Variants in MBTPS1 observed in about 807,000 individuals in gnomAD.
MBTPS1 encodes the protein membrane bound transcription factor peptidase, site 1.
In MBTPS1, 94 loss-of-function variants were observed where a neutral mutation model predicts 127.8. The observed-to-expected ratio is 0.74, with a 90% CI of 0.62 to 0.87. The LOEUF is 0.87. Ranked by LOEUF, MBTPS1 falls within the 40% of genes least tolerant of loss-of-function variation. The pLI, the probability that MBTPS1 is intolerant of heterozygous loss-of-function variation, is 0.00. For missense variants in MBTPS1, 1,636 were observed against 1,353.2 expected, an observed-to-expected ratio of 1.21 and a Z score of -3.28; for synonymous variants, 632 against 509.4, an observed-to-expected ratio of 1.24 and a Z score of -3.24.
intron 2 of MBTPS1, among the ~76,000 whole-genome samples, chr16:84,100,930 G>C (rs181130029): frequency 1.4e-5 from 2 of 146,656 alleles, no homozygotes; most frequent in Admixed American, 1.4e-4. Flanking sequence ...CAAGGAGGGT[G>C]ATCACTTGAG....
At chr16:84,092,573 C>T (rs962250668) in intron 6 of MBTPS1, among the ~76,000 whole-genome samples, 6 of 152,100 alleles carry the variant, frequency 3.9e-5, no homozygotes, top group Admixed American at 6.5e-5. Context: ...ACCTGCTGGA[C>T]GGGGACAGGG....
Position 84,066,631 on chromosome 16 carries a change from G to T in MBTPS1, c.2229-18C>A. On this transcript the variant is annotated intron_variant, in intron 16 of 22. Transcript: ENST00000343411. ...ACCACTGCCTGGGAAAGTGGTAACAGACACACAGGGAACAGGGAATGAAGA... is the reference window on the plus strand; with the variant it reads ...ACCACTGCCTGGGAAAGTGGTAACATACACACAGGGAACAGGGAATGAAGA... 1 of 1,613,226 alleles carries T rather than the reference G, an allele frequency of 6.2e-7. No homozygotes were observed. The highest frequency in any genetic ancestry group is 2.2e-5 in the East Asian group (1 of 44,870).
intron 2 of MBTPS1, among the ~76,000 whole-genome samples, chr16:84,099,791 A>C (rs79384283): frequency 1.3e-5 from 2 of 152,164 alleles, no homozygotes; most frequent in Admixed American, 1.3e-4. Flanking sequence ...AAAAAAAAAA[A>C]AGATCTCTAT....
intron 11 of MBTPS1, among the ~76,000 whole-genome samples, chr16:84,080,802 T>A (rs1355097578): frequency 3.9e-5 from 6 of 152,232 alleles, no homozygotes; most frequent in Admixed American, 3.9e-4. Flanking sequence ...TTCCTGCCTA[T>A]TCCCACACCC....
At chr16:84,060,315 C>A in intron 20 of MBTPS1, 1 of 177,526 alleles carries the variant, frequency 5.6e-6, no homozygotes, top group Non-Finnish European at 1.2e-5. Context: ...GGGAGCATCC[C>A]AGCCTGCTGC....
At chr16:84,097,840 G>GTGTA (rs1209289064) in intron 3 of MBTPS1, among the ~76,000 whole-genome samples, 10 of 136,158 alleles carry the variant, frequency 7.3e-5, no homozygotes, top group African/African-American at 2.8e-4. Flanking sequence ...TTCTCTTCGT[G>GTGTA]TGTGTGTGTG....
rs1254722992 is a variant in MBTPS1 at position 84,089,331 on chromosome 16, C to T, written c.1031+1544G>A. 2.0e-5 allele frequency among the ~76,000 whole-genome samples: 3 copies of T among 152,376 alleles called. No individual in the cohort carries two copies. In the East Asian group the frequency reaches 5.8e-4, roughly 29 times the overall value. ...TCATGTTCATTTACACATATATCAC[C>T]CGCAGCTGCTTTCACACAATAACGC... On this transcript the variant is annotated intron_variant, in intron 8 of 22. Coordinates refer to ENST00000343411, the MANE Select transcript of MBTPS1 (RefSeq NM_003791.4).
At chr16:84,073,013 C>G (rs1381090693) in intron 12 of MBTPS1, among the ~76,000 whole-genome samples, 1 of 152,166 alleles carries the variant, frequency 6.6e-6, no homozygotes, top group Non-Finnish European at 1.5e-5. Flanking sequence ...CAATAATATT[C>G]AGTGAAATGT....
Position 84,099,140 on chromosome 16 carries a change from C to T in MBTPS1, c.334G>A (p.Ala112Thr), listed in dbSNP as rs1597345817. The change falls in exon 3 of 23, where the codon GCG becomes ACG. Residue 112 changes from alanine to threonine, a missense_variant. By Grantham distance (58) the Ala-to-Thr change is moderately conservative (BLOSUM62 0). Coordinates refer to ENST00000343411, the MANE Select transcript of MBTPS1 (RefSeq NM_003791.4). ...TGATCTTCAAGTGTTAGCAGCCCCG[C>T]TTTCTGTTTTTCTTTTATCTGAATC... Reference protein sequence around the residue: ...EVIQIKEKQKAGLLTLEDHPN... With the variant: ...EVIQIKEKQKTGLLTLEDHPN... 3.7e-6 allele frequency: 6 copies of T among 1,614,146 alleles called. No individual in the cohort carries two copies. The highest frequency in any genetic ancestry group is 1.7e-5 in the Admixed American group (1 of 60,014).
chr16:84,082,149 C>T (rs2085951319), intron 10 of MBTPS1: 1 of 322,440 alleles, frequency 3.1e-6, no homozygotes, highest in Admixed American at 5.0e-5. Flanking sequence ...ATCAGTAACA[C>T]ATATTTTTGT....
At chr16:84,107,276 C>A (rs144335062) in intron 1 of MBTPS1, among the ~76,000 whole-genome samples, 112 of 152,302 alleles carry the variant, frequency 7.4e-4, no homozygotes, top group African/African-American at 1.2e-3. Flanking sequence ...AGCCTGGCCG[C>A]CAGACTGTAC....
rs1312815335 is a variant in MBTPS1 at position 84,069,852 on chromosome 16, T to C, written c.1955+14A>G. 1.2e-6 allele frequency: 2 copies of C among 1,608,968 alleles called. No individual in the cohort carries two copies. ...GAGGCTGGGGAGGTGAAGTGCATCC[T>C]GTGAGGTGCTTACCAGTCTAAAGGG... On this transcript the variant is annotated intron_variant, in intron 14 of 22. Transcript: ENST00000343411.
chr16:84,093,078 C>A (rs2086131721), intron 6 of MBTPS1, 110 bp downstream of exon 6: 4 of 769,586 alleles, frequency 5.2e-6, no homozygotes, highest in Non-Finnish European at 9.2e-6. Flanking sequence ...ATGAATGGCT[C>A]AGCGTCACTG....
intron 8 of MBTPS1, among the ~76,000 whole-genome samples, chr16:84,087,712 C>G (rs963435517): frequency 6.6e-6 from 1 of 152,122 alleles, no homozygotes; most frequent in Non-Finnish European, 1.5e-5. Flanking sequence ...TCCCTGTCAA[C>G]TTGGCACACT....
intron 11 of MBTPS1, among the ~76,000 whole-genome samples, chr16:84,080,411 C>T (rs917397909): frequency 6.6e-6 from 1 of 152,222 alleles, no homozygotes; most frequent in Admixed American, 6.5e-5. Flanking sequence ...AAGGCCATCT[C>T]GAAACATGCC....
At chr16:84,066,339 G>T (rs960665670) in intron 17 of MBTPS1, 150 bp downstream of exon 17, 2 of 757,070 alleles carry the variant, frequency 2.6e-6, no homozygotes, top group African/African-American at 3.6e-5. Context: ...GAGCCTCACA[G>T]ATGTACTTTT....
chr16:84,088,710 G>T (rs1389167832), intron 8 of MBTPS1, among the ~76,000 whole-genome samples: 1 of 151,678 alleles, frequency 6.6e-6, no homozygotes, highest in African/African-American at 2.4e-5. Flanking sequence ...AGAGACCACA[G>T]CAAAGGGGAC....
At chr16:84,108,915 T>A (rs920805336) in intron 1 of MBTPS1, among the ~76,000 whole-genome samples, 1 of 152,228 alleles carries the variant, frequency 6.6e-6, no homozygotes, top group Admixed American at 6.5e-5. Flanking sequence ...CCATTCAGTA[T>A]CAGAACAAAA....
intron 11 of MBTPS1, among the ~76,000 whole-genome samples, chr16:84,077,915 G>A (rs889211908): frequency 1.4e-5 from 2 of 147,916 alleles, no homozygotes; most frequent in African/African-American, 5.0e-5. Flanking sequence ...GAAATGAACA[G>A]ACAATTCACA....
Sources: allele counts gnomAD v4.1 joint callset (sites outside exome capture counted in the v4.1 genomes callset), GRCh38; gene constraint gnomAD v4.1.1; transcripts MANE v1.5; gene names NCBI Gene and HGNC (gene_info 2026-07-23, HGNC 2026-07-21).